Variants in SMAD6 observed in about 807,000 individuals in gnomAD.
SMAD6 encodes SMAD family member 6, also known as MAD homolog 6.
A neutral mutation model predicts 39.4 loss-of-function variants in SMAD6; 103 were observed. The ratio of observed to expected loss-of-function variants is 2.62; its 90% CI spans 2.23 to 3.08. The LOEUF (loss-of-function observed/expected upper bound fraction) is 3.08, where lower values mean the gene tolerates loss of function less well. Ranked by LOEUF, SMAD6 falls within the 30% of genes most tolerant of loss-of-function variation. The pLI is 0.00. For synonymous variants in SMAD6, 445 were observed against 353.3 expected (o/e 1.26, Z -2.91); for missense variants, 1,104 against 742.9 (o/e 1.49, Z -5.65).
Position 66,703,472 on chromosome 15 carries a change from G to GT in SMAD6, c.215dup (p.Gln74ThrfsTer47). 8.0e-7 allele frequency: 1 copy of GT among 1,245,870 alleles called. No homozygotes were observed. The highest frequency in any genetic ancestry group is 1.0e-6 in the Non-Finnish European group (1 of 991,278). 77.2% of individuals were successfully genotyped at this position (1,245,870 alleles called of 1,614,324 possible). A position where few individuals can be genotyped will look rare whatever the true frequency, so the allele number is the denominator to read the frequency against. On this transcript the variant is annotated frameshift_variant, in exon 1 of 4. Coordinates refer to ENST00000288840, the MANE Select transcript of SMAD6 (RefSeq NM_005585.5). LOFTEE classifies it high-confidence loss of function. ...AGCCCCGCGGCGGCCCCGGGACGCA[G>GT]TGGGACAGCGAGGCGCCCAGGGCGC...
chr15:66,723,480 C>T (rs886649962), intron 3 of SMAD6, among the ~76,000 whole-genome samples: 3 of 152,054 alleles, frequency 2.0e-5, no homozygotes, highest in Non-Finnish European at 4.4e-5. Context: ...AGTTTGAGAC[C>T]AGCCGGGGGC....
intron 3 of SMAD6, among the ~76,000 whole-genome samples, chr15:66,768,949 CT>C (rs1278899005): frequency 6.6e-6 from 1 of 152,190 alleles, no homozygotes; most frequent in Admixed American, 6.5e-5. Flanking sequence ...ACGTACCCTT[CT>C]GTTGACAGCA....
At chr15:66,763,083 C>T (rs776535297) in intron 3 of SMAD6, among the ~76,000 whole-genome samples, 3 of 152,180 alleles carry the variant, frequency 2.0e-5, no homozygotes, top group Non-Finnish European at 4.4e-5. Context: ...AAAGTGCCCT[C>T]AAGGCAAGCA....
At chr15:66,730,774 T>C (rs1431460905) in intron 3 of SMAD6, among the ~76,000 whole-genome samples, 2 of 152,234 alleles carry the variant, frequency 1.3e-5, no homozygotes, top group East Asian at 3.8e-4. Flanking sequence ...TTGTAACTTA[T>C]CTCCACTTGA....
At chr15:66,707,984 C>T (rs1467551720) in intron 1 of SMAD6, 2 of 152,266 alleles carry the variant, frequency 1.3e-5, no homozygotes, top group African/African-American at 4.8e-5. Flanking sequence ...GGCTAAGTAC[C>T]CCCTGGGGGC....
intron 3 of SMAD6, among the ~76,000 whole-genome samples, chr15:66,717,707 G>C (rs1893357571): frequency 6.6e-6 from 1 of 152,186 alleles, no homozygotes; most frequent in Admixed American, 6.5e-5. Flanking sequence ...GGGGAGGCTA[G>C]AAGCGGAAGC....
At chr15:66,770,854 G>C (rs1019836623) in intron 3 of SMAD6, among the ~76,000 whole-genome samples, 3 of 152,168 alleles carry the variant, frequency 2.0e-5, no homozygotes, top group Non-Finnish European at 4.4e-5. Flanking sequence ...TCCTTTTCAG[G>C]CTTAAGTAGT....
intron 3 of SMAD6, among the ~76,000 whole-genome samples, chr15:66,719,019 C>T (rs189452011): frequency 1.6e-3 from 248 of 152,296 alleles, no homozygotes; most frequent in Non-Finnish European, 2.7e-3. Flanking sequence ...TGACATTTAT[C>T]GACACTCACT....
At chr15:66,704,109 G>A (rs1893055043) in intron 1 of SMAD6, 34 bp downstream of exon 1, 3 of 1,377,054 alleles carry the variant, frequency 2.2e-6, no homozygotes, top group South Asian at 3.1e-5. Context: ...GGGGCCCCGG[G>A]TCCCCGTCCC....
chr15:66,772,738 C>T (rs930338116), intron 3 of SMAD6, among the ~76,000 whole-genome samples: 2 of 152,226 alleles, frequency 1.3e-5, no homozygotes, highest in Non-Finnish European at 2.9e-5. Context: ...TGAAGTCACT[C>T]GTCCAAGATT....
chr15:66,757,102 C>T (rs1469557124), intron 3 of SMAD6, among the ~76,000 whole-genome samples: 1 of 152,178 alleles, frequency 6.6e-6, no homozygotes, highest in Non-Finnish European at 1.5e-5. Flanking sequence ...GCCTCAGTTT[C>T]CCCATCTGTA....
intron 1 of SMAD6, among the ~76,000 whole-genome samples, chr15:66,710,888 C>T (rs1414172993): frequency 6.6e-6 from 1 of 152,160 alleles, no homozygotes; most frequent in Non-Finnish European, 1.5e-5. Context: ...GAGACTGAGG[C>T]CAACAGCTGG....
chr15:66,780,556 G>A (rs1323823916), intron 3 of SMAD6, among the ~76,000 whole-genome samples: 2 of 152,226 alleles, frequency 1.3e-5, no homozygotes, highest in African/African-American at 4.8e-5. Flanking sequence ...TGAGGACCAA[G>A]TGAGTCCTGT....
intron 3 of SMAD6, among the ~76,000 whole-genome samples, chr15:66,724,318 A>G (rs1292830550): frequency 6.7e-6 from 1 of 150,182 alleles, no homozygotes; most frequent in Non-Finnish European, 1.5e-5. Flanking sequence ...ATGAAAATGA[A>G]TGAATGAATT....
intron 3 of SMAD6, among the ~76,000 whole-genome samples, chr15:66,750,729 C>T (rs562382109): frequency 7.2e-5 from 11 of 152,102 alleles, no homozygotes; most frequent in African/African-American, 2.7e-4. Context: ...TGTGGGCAGT[C>T]GGAGCCGAAT....
At chr15:66,768,531 C>G (rs1275303588) in intron 3 of SMAD6, among the ~76,000 whole-genome samples, 2 of 152,156 alleles carry the variant, frequency 1.3e-5, no homozygotes, top group East Asian at 3.8e-4. Flanking sequence ...GACTTGTAGA[C>G]TTTAGGTGAT....
At chr15:66,735,306 ACT>A (rs1893694423) in intron 3 of SMAD6, among the ~76,000 whole-genome samples, 1 of 152,066 alleles carries the variant, frequency 6.6e-6, no homozygotes, top group Non-Finnish European at 1.5e-5. Flanking sequence ...GGGAGTTATG[ACT>A]CTTTCCCCAA....
intron 3 of SMAD6, among the ~76,000 whole-genome samples, chr15:66,758,111 T>C (rs1220925578): frequency 6.6e-6 from 1 of 152,380 alleles, no homozygotes; most frequent in Middle Eastern, 3.4e-3. Flanking sequence ...ACTGGAACTT[T>C]TGCTGACCTG....
At chr15:66,756,980 T>G (rs908784324) in intron 3 of SMAD6, among the ~76,000 whole-genome samples, 2 of 152,188 alleles carry the variant, frequency 1.3e-5, no homozygotes, top group African/African-American at 4.8e-5. Flanking sequence ...GAGACGGTTG[T>G]GGTGTAGTGG....
Sources: allele counts gnomAD v4.1 joint callset (sites outside exome capture counted in the v4.1 genomes callset), GRCh38; gene constraint gnomAD v4.1.1; transcripts MANE v1.5; gene names NCBI Gene and HGNC (gene_info 2026-07-23, HGNC 2026-07-21).